Variants in CASK observed in about 807,000 individuals in gnomAD.
CASK encodes calcium/calmodulin dependent serine protein kinase.
CASK carries 4 observed loss-of-function variants against 82.9 expected under a neutral mutation model. The observed-to-expected ratio is 0.05, with a 90% CI of 0.02 to 0.11. CASK has a LOEUF of 0.11. Ranked by LOEUF, CASK falls within the 10% of genes least tolerant of loss-of-function variation. CASK has a pLI of 1.00. For missense variants in CASK, 358 were observed against 720.9 expected (o/e 0.50, Z 5.76); for synonymous variants, 259 against 253.5 (o/e 1.02, Z -0.20).
intron 14 of CASK, chrX:41,584,111 A>G (rs2065621294): frequency 8.9e-6 from 1 of 112,432 alleles, no homozygotes; most frequent in African/African-American, 3.2e-5. Flanking sequence ...AGCCTAACCT[A>G]TCTGCAAACG....
At chrX:41,759,330 T>C (rs940121043) in intron 3 of CASK, among the ~76,000 whole-genome samples, 6 of 111,736 alleles carry the variant, frequency 5.4e-5, no homozygotes, top group Admixed American at 2.9e-4. Flanking sequence ...CTGAACTTTA[T>C]TGTATATACT....
chrX:41,745,099 C>T (rs752023713), intron 4 of CASK, among the ~76,000 whole-genome samples: 33 of 112,065 alleles, frequency 2.9e-4, no homozygotes, highest in Non-Finnish European at 5.3e-4. Flanking sequence ...CTCACTGCAA[C>T]CTCCACCTCC....
Position 41,586,905 on chromosome X carries a change from A to G in CASK, c.1314+2T>C. 4.4e-6 allele frequency: 5 copies of G among 1,126,441 alleles called. No individual in the cohort carries two copies. The highest frequency in any genetic ancestry group is 6.1e-6 in the Non-Finnish European group (5 of 818,456). 92.8% of individuals were successfully genotyped at this position (1,126,441 alleles called of 1,213,427 possible). A position where few individuals can be genotyped will look rare whatever the true frequency, so the allele number is the denominator to read the frequency against. On this transcript the variant is annotated splice_donor_variant, in intron 14 of 26. Transcript: ENST00000378163. LOFTEE classifies it high-confidence loss of function. Reference sequence around the variant, plus strand: ...TTCTATGGAAGTTTAATTATTACTTACCATGAAATGAGGTTGTGTTAAAAT... The same window carrying G: ...TTCTATGGAAGTTTAATTATTACTTGCCATGAAATGAGGTTGTGTTAAAAT...
At chrX:41,740,963 A>G (rs974818279) in intron 4 of CASK, among the ~76,000 whole-genome samples, 1 of 110,420 alleles carries the variant, frequency 9.1e-6, no homozygotes, top group Admixed American at 9.7e-5. Flanking sequence ...GCTCACTGCA[A>G]CCTCTGCCTC....
At chrX:41,743,598 T>C in intron 4 of CASK, 1 of 294,956 alleles carries the variant, frequency 3.4e-6, no homozygotes, top group Non-Finnish European at 5.9e-6. Context: ...CCATGGCTGC[T>C]CCATCCCTGA....
At chrX:41,758,203 G>C (rs1286354608) in intron 3 of CASK, among the ~76,000 whole-genome samples, 1 of 111,228 alleles carries the variant, frequency 9.0e-6, no homozygotes, top group East Asian at 2.8e-4. Context: ...GGGAGGCCCA[G>C]GCGGGCGGAT....
At chrX:41,789,640 G>A (rs937317328) in intron 2 of CASK, among the ~76,000 whole-genome samples, 12 of 111,654 alleles carry the variant, frequency 1.1e-4, no homozygotes, top group Non-Finnish European at 1.9e-4. Flanking sequence ...TTCCTCTCCA[G>A]GAGTGTTCTG....
At chrX:41,772,079 G>A (rs747347364) in intron 3 of CASK, among the ~76,000 whole-genome samples, 32 of 111,082 alleles carry the variant, frequency 2.9e-4, no homozygotes, top group Non-Finnish European at 4.2e-4. Flanking sequence ...GGCCAGGCGC[G>A]GTAGCTCATG....
intron 11 of CASK, among the ~76,000 whole-genome samples, chrX:41,618,638 C>T (rs2066238181): frequency 9.1e-6 from 1 of 109,291 alleles, no homozygotes; most frequent in African/African-American, 3.3e-5. Context: ...ACCAGAGGCT[C>T]AGTAGGGTTA....
chrX:41,687,179 A>G (rs750579065), intron 5 of CASK, among the ~76,000 whole-genome samples: 2 of 112,467 alleles, frequency 1.8e-5, no homozygotes, highest in Non-Finnish European at 3.8e-5. Flanking sequence ...TATATGAAAT[A>G]GAATGCACGT....
chrX:41,705,901 C>T (rs2067878414), intron 5 of CASK, among the ~76,000 whole-genome samples: 2 of 111,037 alleles, frequency 1.8e-5, no homozygotes, highest in African/African-American at 6.6e-5. Flanking sequence ...CACCCCTCCC[C>T]GTGGTCTGCT....
At chrX:41,900,900 G>A (rs1329494451) in intron 1 of CASK, among the ~76,000 whole-genome samples, 4 of 108,486 alleles carry the variant, frequency 3.7e-5, no homozygotes, top group Non-Finnish European at 5.7e-5. Context: ...CGCATGCCAT[G>A]ACACCTGGCT....
At chrX:41,837,077 A>G (rs1009588247) in intron 2 of CASK, among the ~76,000 whole-genome samples, 5 of 112,358 alleles carry the variant, frequency 4.5e-5, no homozygotes, top group African/African-American at 1.6e-4. Flanking sequence ...GCTTTTACCT[A>G]TACTCCTAAA....
chrX:41,714,118 G>GTCTGGGAGTGAAGAAGAGAAAT (rs2068025655), intron 5 of CASK, among the ~76,000 whole-genome samples: 1 of 111,737 alleles, frequency 8.9e-6, no homozygotes, highest in Non-Finnish European at 1.9e-5. Context: ...TGGTAAAATG[G>GTCTGGGAGTGAAGAAGAGAAAT]TCTGGGAGTG....
At chrX:41,774,746 C>A (rs1312777779) in intron 3 of CASK, among the ~76,000 whole-genome samples, 2 of 109,143 alleles carry the variant, frequency 1.8e-5, no homozygotes, top group Non-Finnish European at 1.9e-5. Flanking sequence ...CTACAACTAT[C>A]TGATCTTTGA....
intron 3 of CASK, among the ~76,000 whole-genome samples, chrX:41,770,115 C>T (rs959587020): frequency 9.1e-6 from 1 of 110,418 alleles, no homozygotes; most frequent in Non-Finnish European, 1.9e-5. Context: ...AAAGCAAACC[C>T]ACAGGGACTT....
chrX:41,678,581 G>A (rs2067304544), intron 5 of CASK, among the ~76,000 whole-genome samples: 1 of 111,128 alleles, frequency 9.0e-6, no homozygotes, highest in Non-Finnish European at 1.9e-5. Flanking sequence ...TTTAGTGACA[G>A]GATTGAGCAG....
chrX:41,908,836 T>C (rs1442170514), intron 1 of CASK, among the ~76,000 whole-genome samples: 2 of 112,147 alleles, frequency 1.8e-5, no homozygotes, highest in African/African-American at 6.5e-5. Flanking sequence ...AAGCTTTTTG[T>C]GTAAAAAGCT....
chrX:41,764,051 T>C (rs1170573285), intron 3 of CASK, among the ~76,000 whole-genome samples: 4 of 111,700 alleles, frequency 3.6e-5, no homozygotes, highest in South Asian at 3.7e-4. Context: ...GAGATACCAA[T>C]AGATACCAAA....
Sources: gnomAD v4.1 joint callset for allele counts (sites outside exome capture counted in the v4.1 genomes callset) on GRCh38, gnomAD v4.1.1 for gene constraint, MANE v1.5 for transcripts, NCBI Gene and HGNC (gene_info 2026-07-23, HGNC 2026-07-21) for gene names.